The following RXRA variants were observed in gnomAD, a reference collection of about 807,000 sequenced individuals.
RXRA encodes retinoid X receptor alpha.
Under a neutral mutation model 44.5 loss-of-function variants are expected in RXRA, and 5 were observed. The observed-to-expected ratio is 0.11, with a 90% CI of 0.06 to 0.24. RXRA has a LOEUF of 0.24. Among genes scored for constraint, RXRA ranks in the 10% least tolerant of loss-of-function variants. The pLI, the probability that RXRA is intolerant of heterozygous loss-of-function variation, is 1.00. For synonymous variants in RXRA, 291 were observed against 271.4 expected (o/e 1.07, Z -0.71); for missense variants, 412 against 646.5 (o/e 0.64, Z 3.93).
chr9:134,409,410 G>A (rs1378891731), intron 4 of RXRA, among the ~76,000 whole-genome samples: 3 of 152,206 alleles, frequency 2.0e-5, no homozygotes, highest in Non-Finnish European at 4.4e-5. Flanking sequence ...GGTGGAGCGG[G>A]GGCATCTTCT....
chr9:134,378,739 C>T (rs1043527690), intron 1 of RXRA, among the ~76,000 whole-genome samples: 1 of 152,170 alleles, frequency 6.6e-6, no homozygotes, highest in Non-Finnish European at 1.5e-5. Context: ...CCAAAGGCAG[C>T]CTGGAGTTGG....
chr9:134,431,391 C>G (rs778238901), intron 7 of RXRA, among the ~76,000 whole-genome samples: 3 of 152,222 alleles, frequency 2.0e-5, no homozygotes, highest in Non-Finnish European at 4.4e-5. Context: ...GTAGACATGC[C>G]TCCCTCTGGC....
chr9:134,388,753 AT>A (rs1403389310), intron 1 of RXRA, among the ~76,000 whole-genome samples: 1 of 152,170 alleles, frequency 6.6e-6, no homozygotes, highest in African/African-American at 2.4e-5. Context: ...GAGGGGAGTC[AT>A]CCTTCGATGT....
intron 1 of RXRA, chr9:134,379,226 C>CT (rs2119097543): frequency 1.0e-6 from 1 of 980,606 alleles, no homozygotes. Flanking sequence ...TGGGCCTTTC[C>CT]TGATCCCTGT....
At chr9:134,360,416 C>T (rs967403233) in intron 1 of RXRA, among the ~76,000 whole-genome samples, 11 of 152,202 alleles carry the variant, frequency 7.2e-5, no homozygotes, top group African/African-American at 2.7e-4. Flanking sequence ...TGGGTTCGAG[C>T]TCTGGCTCTG....
At chr9:134,398,729 G>A (rs1483667452) in intron 1 of RXRA, among the ~76,000 whole-genome samples, 1 of 152,220 alleles carries the variant, frequency 6.6e-6, no homozygotes, top group African/African-American at 2.4e-5. Flanking sequence ...AAAGAATCCA[G>A]GAGTGTCTTC....
intron 1 of RXRA, chr9:134,379,455 C>T (rs551317612): frequency 1.7e-4 from 171 of 987,244 alleles, no homozygotes; most frequent in South Asian, 1.4e-4. Context: ...TGTCTGTGTC[C>T]GGGAAGTGGA....
intron 5 of RXRA, among the ~76,000 whole-genome samples, chr9:134,421,078 C>G (rs1287098014): frequency 6.6e-6 from 1 of 152,240 alleles, no homozygotes; most frequent in Non-Finnish European, 1.5e-5. Context: ...CTGCCCATAT[C>G]CAGTTTCGTC....
At chr9:134,395,978 G>A (rs538116612) in intron 1 of RXRA, among the ~76,000 whole-genome samples, 1 of 152,358 alleles carries the variant, frequency 6.6e-6, no homozygotes, top group African/African-American at 2.4e-5. Context: ...ACAGGCCCGA[G>A]TCTTTGCCTG....
chr9:134,368,588 G>C (rs1331697842), intron 1 of RXRA, among the ~76,000 whole-genome samples: 1 of 151,974 alleles, frequency 6.6e-6, no homozygotes, highest in African/African-American at 2.4e-5. Context: ...ATGTGTGACT[G>C]TAGGTGACTG....
rs76500391 is a variant in RXRA at position 134,389,126 on chromosome 9, C to T, written c.29-12506C>T. The stretch of plus-strand genomic sequence containing the variant: ...ACATCCGCCACCTGGCCGGTCCTGT[C>T]GTGGACGCCCTCAGCTCGCTCCCGT... On this transcript the variant is annotated intron_variant, in intron 1 of 9. Transcript: ENST00000481739. Among the ~76,000 whole-genome samples, 112 of 152,314 alleles carry T rather than the reference C, an allele frequency of 7.4e-4. 2 individuals are homozygous for T. The East Asian group carries it at 0.02, about 27-fold the overall frequency.
rs1402510800 is a variant in RXRA, at chr9:134,426,989, T to C, written c.911-2119T>C. The C allele has an allele frequency of 1.0e-6, 1 of 985,172 alleles. No individual in the cohort carries two copies. The highest frequency in any genetic ancestry group is 6.1e-5 in the Admixed American group (1 of 16,266). The allele number at this position is 985,172 out of a possible 1,614,324, so 61.0% of individuals were successfully genotyped here. Reference sequence around the variant, plus strand: ...CTCAGCCTGGGAAAACCTGACGGGCTGAGCCGTAGGAGGGGCAGGAGTGGG... The same window carrying C: ...CTCAGCCTGGGAAAACCTGACGGGCCGAGCCGTAGGAGGGGCAGGAGTGGG... On this transcript the variant is annotated intron_variant, in intron 6 of 9. Transcript: ENST00000481739. The surrounding 1 kb of genome is among the most constrained non-coding windows in gnomAD (Gnocchi z 4.6).
intron 4 of RXRA, among the ~76,000 whole-genome samples, chr9:134,414,846 G>A (rs1048531812): frequency 2.0e-5 from 3 of 152,232 alleles, no homozygotes; most frequent in Non-Finnish European, 2.9e-5. Context: ...GCTGCTCAGC[G>A]TGGGTGGGGT....
In RXRA at chr9:134,343,951, G is replaced by C. The variant is rs1388763857; in HGVS notation, c.28+17292G>C. Reference sequence around the variant, plus strand: ...ACAGTGGGGTGGGCATCTCCCCATAGGCCCTCCCCACAGGATGCAGCCCTT... The same window carrying C: ...ACAGTGGGGTGGGCATCTCCCCATACGCCCTCCCCACAGGATGCAGCCCTT... On this transcript the variant is annotated intron_variant, in intron 1 of 9. Transcript: ENST00000481739. This position sits in a 1 kb window ranked among gnomAD's most constrained non-coding sequence, Gnocchi z 4.1. Among the ~76,000 whole-genome samples the C allele has an allele frequency of 6.6e-6, 1 of 152,144 alleles. No homozygotes were observed. Among genetic ancestry groups the C allele is most frequent in the African/African-American group, 2.4e-5 (1 of 41,432 alleles).
chr9:134,394,959 A>C (rs1830856758), intron 1 of RXRA, among the ~76,000 whole-genome samples: 1 of 152,198 alleles, frequency 6.6e-6, no homozygotes, highest in Non-Finnish European at 1.5e-5. Flanking sequence ...GGTGGTGATA[A>C]TAAAAGTGGG....
chr9:134,368,937 TATGTATGTGTGTGAGTGCGGGGGTTGTG>T, intron 1 of RXRA, among the ~76,000 whole-genome samples: 1 of 73,644 alleles, frequency 1.4e-5, no homozygotes, highest in African/African-American at 6.0e-5. Flanking sequence ...GTGCGGGGGT[TATGTATGTGTGTGAGTGCGGGGGTTGTG>T]TGTGTGGGGT....
intron 1 of RXRA, among the ~76,000 whole-genome samples, chr9:134,380,421 G>A (rs2119100120): frequency 6.6e-6 from 1 of 152,222 alleles, no homozygotes; most frequent in Non-Finnish European, 1.5e-5. Context: ...AGGGGCTGGG[G>A]TGGCCATGAG....
intron 1 of RXRA, among the ~76,000 whole-genome samples, chr9:134,345,745 G>A (rs1554748708): frequency 6.6e-6 from 1 of 152,204 alleles, no homozygotes; most frequent in East Asian, 1.9e-4. Flanking sequence ...CCCAGCCCCA[G>A]CCGTGCCATT....
intron 6 of RXRA, among the ~76,000 whole-genome samples, chr9:134,427,718 G>A (rs1188924494): frequency 6.6e-6 from 1 of 152,232 alleles, no homozygotes; most frequent in Non-Finnish European, 1.5e-5. Flanking sequence ...GTGGAGGGCC[G>A]AGCCGGAGCT....
Sources: allele counts gnomAD v4.1 joint callset (sites outside exome capture counted in the v4.1 genomes callset), GRCh38; gene constraint gnomAD v4.1.1; non-coding constraint Gnocchi (gnomAD v3.1); transcripts MANE v1.5; gene names NCBI Gene and HGNC (gene_info 2026-07-23, HGNC 2026-07-21).